Variants in MAB21L3 observed in about 807,000 individuals in gnomAD.
MAB21L3 encodes the protein mab-21 like 3.
In MAB21L3, 36 loss-of-function variants were observed where a neutral mutation model predicts 37.7. The observed-to-expected ratio is 0.96, with a 90% CI of 0.73 to 1.26. The LOEUF (loss-of-function observed/expected upper bound fraction) is 1.26, where lower values mean the gene tolerates loss of function less well. Among genes scored for constraint, MAB21L3 ranks in the 50% most tolerant of loss-of-function variants. MAB21L3 has a pLI of 0.00. For synonymous variants in MAB21L3, 186 were observed against 176.8 expected (o/e 1.05, Z -0.41); for missense variants, 430 against 447.3 (o/e 0.96, Z 0.35).
chr1:116,137,202 G>C lies in MAB21L3; in HGVS notation c.*3837G>C, dbSNP rs1479747310. The stretch of plus-strand genomic sequence containing the variant: ...AGTGAACAGGCAACCTACAAAATGG[G>C]AGAAAATTTTCACAACCTACTCATC... On this transcript the variant is annotated 3_prime_UTR_variant, in exon 8 of 8. Coordinates refer to ENST00000369500, the MANE Select transcript of MAB21L3 (RefSeq NM_152367.3). Among the ~76,000 whole-genome samples the C allele has an allele frequency of 5.0e-5, 5 of 99,346 alleles. 1 individual carries two copies. The highest frequency in any genetic ancestry group is 4.4e-4 in the African/African-American group (5 of 11,304). The allele number at this position is 99,346 out of a possible 152,430, so 65.2% of individuals were successfully genotyped here.
At chr1:116,123,248 C>G (rs184181344) in intron 4 of MAB21L3, among the ~76,000 whole-genome samples, 3 of 152,276 alleles carry the variant, frequency 2.0e-5, no homozygotes, top group Non-Finnish European at 4.4e-5. Flanking sequence ...TTCACTGGTT[C>G]CTGGAGAAAG....
rs751517939 is a variant in MAB21L3, at chr1:116,112,577, C to G, written c.-39C>G. 6.3e-7 allele frequency: 1 copy of G among 1,577,932 alleles called. No individual in the cohort carries two copies. Among genetic ancestry groups the G allele is most frequent in the South Asian group, 1.2e-5 (1 of 85,310 alleles). ...ACTCCATTGAGAAAAAAAAAAAAAC[C>G]AGGAAGTTGCTGTTCTACTGAGGAC... On this transcript the variant is annotated 5_prime_UTR_variant, in exon 3 of 8. Coordinates refer to ENST00000369500, the MANE Select transcript of MAB21L3 (RefSeq NM_152367.3).
intron 7 of MAB21L3, among the ~76,000 whole-genome samples, chr1:116,129,039 A>C (rs941869748): frequency 6.6e-6 from 1 of 152,218 alleles, no homozygotes; most frequent in Admixed American, 6.5e-5. Flanking sequence ...TGTGGGCTCA[A>C]CCTCTGCAGG....
intron 3 of MAB21L3, among the ~76,000 whole-genome samples, chr1:116,112,984 T>G (rs1309837352): frequency 6.6e-6 from 1 of 152,206 alleles, no homozygotes; most frequent in Non-Finnish European, 1.5e-5. Context: ...CTTGGCCTTC[T>G]TCTCTGTAAA....
chr1:116,132,442 A>T (rs1021344697), intron 7 of MAB21L3, among the ~76,000 whole-genome samples: 5 of 152,206 alleles, frequency 3.3e-5, no homozygotes, highest in African/African-American at 9.7e-5. Context: ...GGTAAGGTGC[A>T]GGCTGACAAA....
At chr1:116,120,517 G>A (rs1034020552) in intron 3 of MAB21L3, among the ~76,000 whole-genome samples, 3 of 150,100 alleles carry the variant, frequency 2.0e-5, no homozygotes, top group African/African-American at 4.9e-5. Context: ...TATCAGATAT[G>A]ACACTATATA....
At chr1:116,132,706 A>G (rs202069506) in intron 7 of MAB21L3, among the ~76,000 whole-genome samples, 1 of 152,044 alleles carries the variant, frequency 6.6e-6, no homozygotes, top group East Asian at 1.9e-4. Flanking sequence ...GAAGAGGGTA[A>G]TCAGTCATAT....
intron 7 of MAB21L3, among the ~76,000 whole-genome samples, chr1:116,128,638 C>T (rs1659978997): frequency 6.6e-6 from 1 of 152,104 alleles, no homozygotes; most frequent in East Asian, 1.9e-4. Flanking sequence ...TTTATTTTAC[C>T]CACCAAACCA....
At chr1:116,132,202 T>C (rs1342454078) in intron 7 of MAB21L3, among the ~76,000 whole-genome samples, 1 of 152,100 alleles carries the variant, frequency 6.6e-6, no homozygotes, top group Admixed American at 6.5e-5. Flanking sequence ...GCTGCTGTGG[T>C]GGAGGCAACA....
rs1660194504 is a variant in MAB21L3, at chr1:116,136,185, A to T, written c.*2820A>T. On this transcript the variant is annotated 3_prime_UTR_variant, in exon 8 of 8. Coordinates refer to ENST00000369500, the MANE Select transcript of MAB21L3 (RefSeq NM_152367.3). ...TTCAATTAGGAAAAGAGGAAGTCAA[A>T]TTGTCCCTGTTTGCAGACAACATGA... Among the ~76,000 whole-genome samples the T allele has an allele frequency of 6.7e-6, 1 of 150,262 alleles. No individual in the cohort carries two copies. Among genetic ancestry groups the T allele is most frequent in the Non-Finnish European group, 1.5e-5 (1 of 67,304 alleles).
At chr1:116,128,719 C>T (rs1420606001) in intron 7 of MAB21L3, among the ~76,000 whole-genome samples, 1 of 152,160 alleles carries the variant, frequency 6.6e-6, no homozygotes, top group East Asian at 1.9e-4. Flanking sequence ...TGGTTTGTGC[C>T]TCACACTTTG....
At position 116,138,140 on chromosome 1, in the gene MAB21L3, T is replaced by C. The variant is rs958665416; in HGVS notation, c.*4775T>C. The stretch of plus-strand genomic sequence containing the variant: ...AAGTATGATTAAAAAAAAAAAGTAC[T>C]GTAACCAAATGGTGGGGTCCCTAGG... On this transcript the variant is annotated 3_prime_UTR_variant, in exon 8 of 8. Transcript: ENST00000369500. Among the ~76,000 whole-genome samples, 7 of 151,798 alleles carry C rather than the reference T, an allele frequency of 4.6e-5. No homozygotes were observed. The East Asian group carries it at 1.3e-3, about 29-fold the overall frequency.
At chr1:116,117,062 A>T (rs1659606102) in intron 3 of MAB21L3, among the ~76,000 whole-genome samples, 1 of 151,682 alleles carries the variant, frequency 6.6e-6, no homozygotes, top group South Asian at 2.1e-4. Flanking sequence ...ATGTACATAC[A>T]TACACACATG....
rs180816719 is a variant in MAB21L3, at chr1:116,117,996, T to C, written c.49-2936T>C. ...CCTCTTCTTTCACCACTGACTCTTT[T>C]CTCTCAGCATTTAAACATGTTTACA... On this transcript the variant is annotated intron_variant, in intron 3 of 7. Transcript: ENST00000369500. Among the ~76,000 whole-genome samples, 3 of 152,210 alleles carry C rather than the reference T, an allele frequency of 2.0e-5. No individual in the cohort carries two copies. The East Asian group carries it at 5.8e-4, about 29-fold the overall frequency.
At chr1:116,130,457 C>A (rs756054510) in intron 7 of MAB21L3, among the ~76,000 whole-genome samples, 14 of 152,192 alleles carry the variant, frequency 9.2e-5, no homozygotes, top group Admixed American at 2.0e-4. Context: ...ATCCTTAGTC[C>A]ACAGACAGAA....
At chr1:116,115,917 C>T (rs1207415568) in intron 3 of MAB21L3, among the ~76,000 whole-genome samples, 1 of 152,102 alleles carries the variant, frequency 6.6e-6, no homozygotes, top group Non-Finnish European at 1.5e-5. Context: ...CATTTGTTTC[C>T]ATGTTTTGCC....
At position 116,133,349 on chromosome 1, in the gene MAB21L3, A is replaced by G; in HGVS notation, c.1073A>G (p.Gln358Arg). 1.9e-6 allele frequency: 3 copies of G among 1,614,136 alleles called. No homozygotes were observed. Among genetic ancestry groups the G allele is most frequent in the Non-Finnish European group, 2.5e-6 (3 of 1,179,998 alleles). Residue 358 changes from glutamine to arginine, a missense_variant, in exon 8 of 8, where the codon CAG becomes CGG. Gln to Arg is a conservative substitution (Grantham distance 43). Transcript: ENST00000369500. ...QKLATFLKNP[Q>R]IGPP ...CTGGCCACCTTCCTGAAGAACCCCC[A>G]GATCGGCCCGCCCTGATGGTTGCCC...
chr1:116,130,835 A>T (rs1402050493), intron 7 of MAB21L3, among the ~76,000 whole-genome samples: 2 of 152,242 alleles, frequency 1.3e-5, no homozygotes, highest in Non-Finnish European at 2.9e-5. Flanking sequence ...GGGAGATAAA[A>T]GCTTAATTAA....
chr1:116,118,124 C>T (rs1165760698), intron 3 of MAB21L3, among the ~76,000 whole-genome samples: 1 of 152,178 alleles, frequency 6.6e-6, no homozygotes, highest in Non-Finnish European at 1.5e-5. Flanking sequence ...TGGCTCACAC[C>T]TGTAATCCCA....
Sources: gnomAD v4.1 joint callset for allele counts (sites outside exome capture counted in the v4.1 genomes callset) on GRCh38, gnomAD v4.1.1 for gene constraint, MANE v1.5 for transcripts, NCBI Gene and HGNC (gene_info 2026-07-23, HGNC 2026-07-21) for gene names.